The following RFC1 variants were observed in gnomAD, a reference collection of about 807,000 sequenced individuals.
The protein encoded by RFC1 is A1 140 kDa subunit.
A neutral mutation model predicts 137.4 loss-of-function variants in RFC1; 37 were observed. The observed-to-expected ratio is 0.27, with a 90% CI of 0.21 to 0.35. The LOEUF (loss-of-function observed/expected upper bound fraction) is 0.35. Among genes scored for constraint, RFC1 ranks in the 10% least tolerant of loss-of-function variants. The probability of loss-of-function intolerance (pLI) is 1.00; values close to 1 mark genes in which losing one functional copy is unlikely to be tolerated. For missense variants in RFC1, 1,205 were observed against 1,358.5 expected, an observed-to-expected ratio of 0.89 and a Z score of 1.78; for synonymous variants, 429 against 455.7, an observed-to-expected ratio of 0.94 and a Z score of 0.75.
chr4:39,289,162 C>T (rs1234770713), intron 24 of RFC1, among the ~76,000 whole-genome samples: 1 of 152,138 alleles, frequency 6.6e-6, no homozygotes, highest in East Asian at 1.9e-4. Context: ...AGGTAATTGA[C>T]AAATAGGGTA....
intron 13 of RFC1, chr4:39,307,557 C>T (rs180764205): frequency 6.5e-6 from 1 of 152,938 alleles, no homozygotes; most frequent in African/African-American, 2.4e-5. Context: ...TCTACTAAAA[C>T]TACAAAAAAT....
intron 10 of RFC1, 24 bp from the exon 11 acceptor site, chr4:39,312,955 G>T: frequency 6.4e-7 from 1 of 1,567,306 alleles, no homozygotes. Flanking sequence ...TGTTCAAGCA[G>T]AGAGGAAATT....
intron 21 of RFC1, chr4:39,297,624 C>T (rs545087292): frequency 1.3e-5 from 2 of 152,464 alleles, no homozygotes; most frequent in South Asian, 4.1e-4. Context: ...GAACGCTTCA[C>T]GAATTTGCGT....
chr4:39,299,149 T>C (rs1416437251), intron 21 of RFC1, among the ~76,000 whole-genome samples: 1 of 152,262 alleles, frequency 6.6e-6, no homozygotes, highest in African/African-American at 2.4e-5. Flanking sequence ...AACATGCTCC[T>C]GCTACAGTTA....
chr4:39,360,288 G>C (rs1275565694), intron 1 of RFC1, among the ~76,000 whole-genome samples: 1 of 151,904 alleles, frequency 6.6e-6, no homozygotes, highest in Non-Finnish European at 1.5e-5. Flanking sequence ...ATTACTAGAG[G>C]TCAGGAGTTT....
In RFC1 at chr4:39,326,461, T is replaced by C; in HGVS notation, c.642+102A>G. The C allele has an allele frequency of 3.9e-6, 3 of 778,228 alleles. No individual in the cohort carries two copies. In the South Asian group the frequency reaches 5.8e-5, roughly 15 times the overall value. 48.2% of individuals were successfully genotyped at this position (778,228 alleles called of 1,614,324 possible). ...TTTTCATTTATTAGATTTTAACTTATTTTACATGTAACTTCCAATGAGGTT... is the reference window on the plus strand; with the variant it reads ...TTTTCATTTATTAGATTTTAACTTACTTTACATGTAACTTCCAATGAGGTT... On this transcript the variant is annotated intron_variant, in intron 6 of 24. Coordinates refer to ENST00000349703, the MANE Select transcript of RFC1 (RefSeq NM_002913.5).
chr4:39,339,523 T>C (rs181580569), intron 4 of RFC1, among the ~76,000 whole-genome samples: 19 of 152,330 alleles, frequency 1.2e-4, no homozygotes, highest in Admixed American at 1.0e-3. Flanking sequence ...ATATACCTGT[T>C]GGCCACTTTT....
chr4:39,319,337 C>G (rs950716310), intron 9 of RFC1, among the ~76,000 whole-genome samples: 6 of 152,194 alleles, frequency 3.9e-5, no homozygotes, highest in African/African-American at 1.4e-4. Context: ...TTCAGAGGAC[C>G]TGAGTTCAAG....
chr4:39,302,621 C>T, intron 17 of RFC1, 26 bp from the exon 18 acceptor site: 1 of 1,529,652 alleles, frequency 6.5e-7, no homozygotes, highest in Admixed American at 2.0e-5. Context: ...GAGGAGTCCT[C>T]AATGATTTTT....
chr4:39,292,133 C>T (rs563618138), intron 22 of RFC1: 1 of 383,602 alleles, frequency 2.6e-6, no homozygotes, highest in Admixed American at 4.0e-5. Flanking sequence ...CTCTTAAGGC[C>T]CAGGCAACAG....
At chr4:39,345,889 T>C (rs1178759770) in intron 2 of RFC1, among the ~76,000 whole-genome samples, 1 of 152,126 alleles carries the variant, frequency 6.6e-6, no homozygotes, top group Non-Finnish European at 1.5e-5. Context: ...CTAAACATCC[T>C]ACAATGCACA....
At chr4:39,293,831 C>T (rs551046111) in intron 22 of RFC1, among the ~76,000 whole-genome samples, 3 of 152,242 alleles carry the variant, frequency 2.0e-5, no homozygotes, top group Admixed American at 6.5e-5. Flanking sequence ...CCTTTAAAAA[C>T]GCCAGGTAAG....
Position 39,289,920 on chromosome 4 carries a change from T to C in RFC1, c.3288A>G (p.Glu1096=). 6.2e-7 allele frequency: 1 copy of C among 1,613,246 alleles called. No homozygotes were observed. The highest frequency in any genetic ancestry group is 8.5e-7 in the Non-Finnish European group (1 of 1,179,178). ...TSPSLDSEYN[E]ELNEDDSQSD... is the part of the protein sequence containing the mutation. Reference sequence around the variant, plus strand: ...ATTGAGAGTCATCTTCATTTAATTCTTCATTGTATTCCGAATCCAGGGATG... The same window carrying C: ...ATTGAGAGTCATCTTCATTTAATTCCTCATTGTATTCCGAATCCAGGGATG... Residue 1096 remains glutamate (E), a synonymous_variant, in exon 24 of 25, where the codon GAA becomes GAG. Coordinates refer to ENST00000349703, the MANE Select transcript of RFC1 (RefSeq NM_002913.5).
At chr4:39,309,636 G>A (rs1159829666) in intron 12 of RFC1, among the ~76,000 whole-genome samples, 1 of 152,186 alleles carries the variant, frequency 6.6e-6, no homozygotes, top group African/African-American at 2.4e-5. Context: ...AAAATCCATA[G>A]AGACAGAGCA....
Position 39,304,965 on chromosome 4 carries a change from C to T in RFC1, c.1996-37G>A, listed in dbSNP as rs1055323885. ...ATTGGAAACCACTGAAGGCACAATA[C>T]AAATTAACTCCACCACCCCCGCCAA... On this transcript the variant is annotated intron_variant, in intron 14 of 24. Transcript: ENST00000349703. The T allele has an allele frequency of 7.4e-6, 9 of 1,211,466 alleles. No homozygotes were observed. The African/African-American group carries it at 7.5e-5, about 10-fold the overall frequency. 75.0% of individuals were successfully genotyped at this position (1,211,466 alleles called of 1,614,324 possible).
intron 4 of RFC1, among the ~76,000 whole-genome samples, chr4:39,330,501 C>T (rs1452354734): frequency 1.3e-5 from 2 of 151,992 alleles, no homozygotes; most frequent in African/African-American, 4.8e-5. Context: ...CTCCAAAAAC[C>T]ACAGATATAT....
chr4:39,333,577 A>C (rs1344733394), intron 4 of RFC1, among the ~76,000 whole-genome samples: 2 of 152,098 alleles, frequency 1.3e-5, no homozygotes, highest in African/African-American at 2.4e-5. Context: ...GAAAAAAAAA[A>C]ACCTCATGAA....
rs1172309224 is a variant in RFC1 at position 39,311,435 on chromosome 4, T to G, written c.1488+10A>C. 2.5e-6 allele frequency: 4 copies of G among 1,607,806 alleles called. No individual in the cohort carries two copies. In the Admixed American group the frequency reaches 5.0e-5, roughly 20 times the overall value. ...TACACCAACTTAAATCACATTCATT[T>G]TATACGAACCTCAGTTTCAACTGCT... On this transcript the variant is annotated intron_variant, in intron 12 of 24. Transcript: ENST00000349703.
chr4:39,358,144 G>A (rs1015159030), intron 1 of RFC1, among the ~76,000 whole-genome samples: 2 of 151,896 alleles, frequency 1.3e-5, no homozygotes, highest in African/African-American at 4.8e-5. Context: ...GCATGGTGGT[G>A]CACACCTGTA....
Sources: gnomAD v4.1 joint callset for allele counts (sites outside exome capture counted in the v4.1 genomes callset) on GRCh38, gnomAD v4.1.1 for gene constraint, MANE v1.5 for transcripts, NCBI Gene and HGNC (gene_info 2026-07-23, HGNC 2026-07-21) for gene names.